FSIP2: variants seen among roughly 807,000 people sequenced by gnomAD.
The protein encoded by FSIP2 is fibrous sheath-interacting protein 2.
In FSIP2, 367 loss-of-function variants were observed where a neutral mutation model predicts 510.5. That is an observed-to-expected ratio of 0.72 (90% CI 0.66 to 0.78). The LOEUF (loss-of-function observed/expected upper bound fraction) is 0.78. Ranked by LOEUF, FSIP2 falls within the 30% of genes least tolerant of loss-of-function variation. The pLI, the probability that FSIP2 is intolerant of heterozygous loss-of-function variation, is 0.00. For missense variants in FSIP2, 7,594 were observed against 7,901.7 expected, an observed-to-expected ratio of 0.96 and a Z score of 1.48; for synonymous variants, 2,601 against 2,732.2, an observed-to-expected ratio of 0.95 and a Z score of 1.50.
chr2:185,807,511 T>C lies in FSIP2; in HGVS notation c.18205T>C (p.Tyr6069His). ...ISQDKYMTIQYVETLQSDDDE... is the reference protein window; with the variant it reads ...ISQDKYMTIQHVETLQSDDDE... ...CCAAGATAAATATATGACTATACAG[T>C]ATGTAGAAACCTTACAATCTGATGA... Residue 6069 changes from tyrosine to histidine, a missense_variant, in exon 17 of 23, where the codon TAT becomes CAT. Coordinates refer to ENST00000424728, the MANE Select transcript of FSIP2 (RefSeq NM_173651.4). 1.9e-6 allele frequency: 3 copies of C among 1,610,802 alleles called. 1 individual carries two copies. In the East Asian group the frequency reaches 6.7e-5, roughly 36 times the overall value.
In FSIP2 at chr2:185,804,316, G is replaced by C; in HGVS notation, c.15010G>C (p.Ala5004Pro). The C allele has an allele frequency of 6.6e-7, 1 of 1,510,216 alleles. No individual in the cohort carries two copies. The allele number at this position is 1,510,216 out of a possible 1,614,324, so 93.6% of individuals were successfully genotyped here. ...GTTCACCACATCAGAGATTTTAGTT[G>C]CAGATAACTTTGATAAAAATTTGTG... ...LEFTTSEILV[A>P]DNFDKNLCFS... is the part of the protein sequence containing the mutation. Residue 5004 changes from alanine (A) to proline (P), a missense_variant, in exon 17 of 23, where the codon GCA (alanine) becomes CCA (proline). By Grantham distance (27) the Ala-to-Pro change is conservative. Coordinates refer to ENST00000424728, the MANE Select transcript of FSIP2 (RefSeq NM_173651.4).
At chr2:185,811,429 A>G (rs1574201967) in intron 17 of FSIP2, among the ~76,000 whole-genome samples, 1 of 150,724 alleles carries the variant, frequency 6.6e-6, no homozygotes, top group Non-Finnish European at 1.5e-5. Flanking sequence ...AGATCATGCC[A>G]CTGCTCTCCA....
intron 13 of FSIP2, chr2:185,766,511 A>G (rs1413454356): frequency 2.0e-5 from 3 of 148,006 alleles, no homozygotes; most frequent in Non-Finnish European, 4.5e-5. Flanking sequence ...GGTGAAGGAC[A>G]TGAACAGACA....
chr2:185,745,914 G>A (rs1459788044), intron 5 of FSIP2, among the ~76,000 whole-genome samples: 2 of 152,084 alleles, frequency 1.3e-5, no homozygotes, highest in African/African-American at 4.8e-5. Flanking sequence ...GAGGAAGTTA[G>A]TGCAAAGTCA....
Position 185,789,601 on chromosome 2 carries a change from A to G in FSIP2, c.2465A>G (p.Asp822Gly), listed in dbSNP as rs1281550559. The stretch of plus-strand genomic sequence containing the variant: ...GACCCAATGTGTGATATTGCAGAGG[A>G]CATGGTGCATGCCATTTTAGAAAAG... ...TLDPMCDIAE[D>G]MVHAILEKLM... The change falls in exon 16 of 23, where the codon GAC (aspartate) becomes GGC (glycine). Residue 822 changes from aspartate (D) to glycine (G), a missense_variant. Transcript: ENST00000424728. 6.5e-7 allele frequency: 1 copy of G among 1,534,788 alleles called. No homozygotes were observed. The highest frequency in any genetic ancestry group is 1.2e-5 in the South Asian group (1 of 84,036).
At chr2:185,782,961 C>G (rs1692886256) in intron 14 of FSIP2, among the ~76,000 whole-genome samples, 199 bp downstream of exon 14, 1 of 152,168 alleles carries the variant, frequency 6.6e-6, no homozygotes, top group Non-Finnish European at 1.5e-5. Flanking sequence ...CTTTCTCCTT[C>G]TCCTTATCTA....
chr2:185,792,033 G>A lies in FSIP2; in HGVS notation c.4897G>A (p.Ala1633Thr), dbSNP rs752295773. 1.1e-4 allele frequency: 164 copies of A among 1,533,836 alleles called. No homozygotes were observed. Among genetic ancestry groups the A allele is most frequent in the Non-Finnish European group, 1.4e-4 (156 of 1,145,388 alleles). ...CAATATTTCCAGAGACACACATGAA[G>A]CATCATTTCTGTCTGCTTTATATAT... is the stretch of plus-strand genomic sequence containing the variant. ...STNISRDTHE[A>T]SFLSALYMHA... Residue 1633 changes from alanine to threonine, a missense_variant, in exon 16 of 23, where the codon GCA becomes ACA. Coordinates refer to ENST00000424728, the MANE Select transcript of FSIP2 (RefSeq NM_173651.4).
chr2:185,823,610 T>A lies in FSIP2; in HGVS notation c.20427-824T>A, dbSNP rs549834850. 1.2e-4 allele frequency among the ~76,000 whole-genome samples: 18 copies of A among 151,786 alleles called. 1 individual carries two copies. The highest frequency in any genetic ancestry group is 3.4e-4 in the African/African-American group (14 of 41,486). On this transcript the variant is annotated intron_variant, in intron 19 of 22. Coordinates refer to ENST00000424728, the MANE Select transcript of FSIP2 (RefSeq NM_173651.4). Reference sequence around the variant, plus strand: ...AAGAAAACAAGTACTGGTAGGGATGTCAAGAATTGAAACCCTTGTGCATCA... The same window carrying A: ...AAGAAAACAAGTACTGGTAGGGATGACAAGAATTGAAACCCTTGTGCATCA...
At chr2:185,745,228 A>G (rs893459987) in intron 4 of FSIP2, among the ~76,000 whole-genome samples, 10 of 152,148 alleles carry the variant, frequency 6.6e-5, no homozygotes, top group African/African-American at 2.4e-4. Context: ...AGGTAGACAA[A>G]TAAACTGAAA....
At position 185,808,763 on chromosome 2, in the gene FSIP2, A is replaced by G; in HGVS notation, c.19457A>G (p.Asn6486Ser). ...NADLSGELDV[N>S]RIVQKAQEHA... ...GATCTCTCTGGAGAGCTAGACGTTA[A>G]TAGAATTGTTCAAAAGGCCCAAGAA... The change falls in exon 17 of 23, where the codon AAT (asparagine) becomes AGT (serine). Residue 6486 changes from asparagine to serine, a missense_variant. Coordinates refer to ENST00000424728, the MANE Select transcript of FSIP2 (RefSeq NM_173651.4). 3 of 1,612,776 alleles carry G rather than the reference A, an allele frequency of 1.9e-6. No homozygotes were observed. The highest frequency in any genetic ancestry group is 2.5e-6 in the Non-Finnish European group (3 of 1,179,436).
chr2:185,752,840 C>A (rs980408518), intron 7 of FSIP2, among the ~76,000 whole-genome samples: 1 of 151,264 alleles, frequency 6.6e-6, no homozygotes, highest in African/African-American at 2.4e-5. Context: ...TCTTTACATG[C>A]CTAGTATTCT....
rs759402926 is a variant in FSIP2 at position 185,761,082 on chromosome 2, G to A, written c.1173G>A (p.Gln391=). The A allele has an allele frequency of 1.6e-5, 23 of 1,401,620 alleles. No homozygotes were observed. Among genetic ancestry groups the A allele is most frequent in the Middle Eastern group, 1.9e-4 (1 of 5,404 alleles). The allele number at this position is 1,401,620 out of a possible 1,614,324, so 86.8% of individuals were successfully genotyped here. A position where few individuals can be genotyped will look rare whatever the true frequency, so the allele number is the denominator to read the frequency against. Residue 391 remains glutamine (Q), a synonymous_variant, in exon 10 of 23, where the codon CAG becomes CAA. Coordinates refer to ENST00000424728, the MANE Select transcript of FSIP2 (RefSeq NM_173651.4). ...CTGTTGTTTATCAGGCAGATGTACA[G>A]GATAATGGTATAAATCAAAAGGTAT... ...SASVVYQADV[Q]DNGINQKRDG... is the part of the protein sequence containing the mutation.
rs1574166105 is a variant in FSIP2 at position 185,769,359 on chromosome 2, G to C, written c.1411+4794G>C. 2.6e-5 allele frequency among the ~76,000 whole-genome samples: 4 copies of C among 152,108 alleles called. No individual in the cohort carries two copies. In the East Asian group the frequency reaches 7.7e-4, roughly 29 times the overall value. ...CAAGATGGTATCTCATTGTGATTTT[G>C]ATTTGCATTTATCTAATGATCAGTG... On this transcript the variant is annotated intron_variant, in intron 13 of 22. Coordinates refer to ENST00000424728, the MANE Select transcript of FSIP2 (RefSeq NM_173651.4).
At chr2:185,772,395 T>G (rs1167269424) in intron 13 of FSIP2, among the ~76,000 whole-genome samples, 1 of 152,074 alleles carries the variant, frequency 6.6e-6, no homozygotes, top group Non-Finnish European at 1.5e-5. Context: ...ATAAAGAAAA[T>G]AGGTTATTTT....
Position 185,807,997 on chromosome 2 carries a change from C to T in FSIP2, c.18691C>T (p.Leu6231Phe). 6.2e-7 allele frequency: 1 copy of T among 1,610,830 alleles called. No individual in the cohort carries two copies. Among genetic ancestry groups the T allele is most frequent in the South Asian group, 1.1e-5 (1 of 90,824 alleles). ...QEFISKSKIKLVPPTKESPTV... is the reference protein window; with the variant it reads ...QEFISKSKIKFVPPTKESPTV... ...ATTTATCTCCAAAAGTAAGATTAAACTTGTACCACCCACCAAGGAATCACC... is the reference window on the plus strand; with the variant it reads ...ATTTATCTCCAAAAGTAAGATTAAATTTGTACCACCCACCAAGGAATCACC... The change falls in exon 17 of 23, where the codon CTT (leucine) becomes TTT (phenylalanine). Residue 6231 changes from leucine to phenylalanine, a missense_variant. Physicochemically the swap from Leu to Phe is conservative, Grantham distance 22. Coordinates refer to ENST00000424728, the MANE Select transcript of FSIP2 (RefSeq NM_173651.4).
Position 185,794,902 on chromosome 2 carries a change from A to T in FSIP2, c.7766A>T (p.Gln2589Leu). 1 of 1,534,362 alleles carries T rather than the reference A, an allele frequency of 6.5e-7. No homozygotes were observed. The highest frequency in any genetic ancestry group is 8.7e-7 in the Non-Finnish European group (1 of 1,145,624). Residue 2589 changes from glutamine to leucine, a missense_variant, in exon 16 of 23, where the codon CAA becomes CTA. Gln to Leu is a moderately radical substitution (Grantham distance 113, BLOSUM62 -2). Coordinates refer to ENST00000424728, the MANE Select transcript of FSIP2 (RefSeq NM_173651.4). The part of the protein sequence containing the change: ...MKPLRFRETK[Q>L]AGKISNSPRY... The stretch of plus-strand genomic sequence containing the variant: ...CCATTAAGGTTTAGAGAAACTAAAC[A>T]AGCAGGAAAAATAAGTAATTCCCCT...
Position 185,807,783 on chromosome 2 carries a change from A to G in FSIP2, c.18477A>G (p.Gln6159=), listed in dbSNP as rs765673685. The change falls in exon 17 of 23, where the codon CAA becomes CAG. Residue 6159 remains glutamine (Q), a synonymous_variant. Transcript: ENST00000424728. ...AAAAGATCCTTAAAGATGTTTTCCA[A>G]ACTACTGATGTGCCCCTACCTAAAC... ...IVEKILKDVF[Q]TTDVPLPKPS... 2.5e-6 allele frequency: 4 copies of G among 1,612,624 alleles called. No homozygotes were observed. The Admixed American group carries it at 6.7e-5, about 27-fold the overall frequency.
chr2:185,738,640 C>T, upstream of FSIP2: 22 of 1,536,050 alleles, frequency 1.4e-5, no homozygotes, highest in Non-Finnish European at 1.9e-5. Flanking sequence ...GAAGTTTCAA[C>T]TGTGGTCCTC....
In FSIP2 at chr2:185,800,406, T is replaced by C; in HGVS notation, c.11100T>C (p.Phe3700=). ...CCAAAGAAGTAGTCAATAAAGTTTT[T>C]AATATTGTTTCAGATTTATTTTCAC... ...SESKEVVNKV[F]NIVSDLFSPD... is the part of the protein sequence containing the mutation. Residue 3700 remains phenylalanine (F), a synonymous_variant, in exon 17 of 23, where the codon TTT becomes TTC. Coordinates refer to ENST00000424728, the MANE Select transcript of FSIP2 (RefSeq NM_173651.4). The C allele has an allele frequency of 6.5e-7, 1 of 1,527,006 alleles. No homozygotes were observed. Among genetic ancestry groups the C allele is most frequent in the Non-Finnish European group, 8.7e-7 (1 of 1,143,616 alleles). 94.6% of individuals were successfully genotyped at this position (1,527,006 alleles called of 1,614,324 possible). A position where few individuals can be genotyped will look rare whatever the true frequency, so the allele number is the denominator to read the frequency against.
Sources: allele counts gnomAD v4.1 joint callset (sites outside exome capture counted in the v4.1 genomes callset), GRCh38; gene constraint gnomAD v4.1.1; transcripts MANE v1.5; gene names NCBI Gene and HGNC (gene_info 2026-07-23, HGNC 2026-07-21).